CAMK1D: variants seen among roughly 807,000 people sequenced by gnomAD.
The protein encoded by CAMK1D is calcium/calmodulin dependent protein kinase ID.
CAMK1D carries 9 observed loss-of-function variants against 47.7 expected under a neutral mutation model. The ratio of observed to expected loss-of-function variants is 0.19; its 90% CI spans 0.11 to 0.33. The LOEUF is 0.33. CAMK1D is among the 10% of genes least tolerant of loss of function. The pLI is 1.00. For synonymous variants in CAMK1D, 184 were observed against 184.9 expected, an observed-to-expected ratio of 0.99 and a Z score of 0.04; for missense variants, 291 against 488.7, an observed-to-expected ratio of 0.60 and a Z score of 3.81.
intron 1 of CAMK1D, among the ~76,000 whole-genome samples, chr10:12,411,872 G>A (rs1047083597): frequency 2.0e-5 from 3 of 151,640 alleles, no homozygotes; most frequent in Non-Finnish European, 4.4e-5. Flanking sequence ...GGGATTACAG[G>A]CATGAGCCAC....
At chr10:12,666,969 C>T (rs1409009580) in intron 3 of CAMK1D, 159 bp downstream of exon 3, 21 of 626,278 alleles carry the variant, frequency 3.4e-5, no homozygotes, top group Admixed American at 3.2e-4. Context: ...CAACTAAAGA[C>T]GGTGGGCTGC....
chr10:12,540,514 T>C lies in CAMK1D; in HGVS notation c.93-12711T>C, dbSNP rs556637982. 2.6e-5 allele frequency among the ~76,000 whole-genome samples: 4 copies of C among 152,294 alleles called. No homozygotes were observed. In the South Asian group the frequency reaches 8.3e-4, roughly 32 times the overall value. On this transcript the variant is annotated intron_variant, in intron 1 of 10. Coordinates refer to ENST00000619168, the MANE Select transcript of CAMK1D (RefSeq NM_153498.4). ...AGTGAGGCTGTTAACAGTAAAGACT[T>C]AGTGCCGCAGAAACACCTGCAGAAA... is the stretch of plus-strand genomic sequence containing the variant.
chr10:12,638,121 C>T (rs1839562961), intron 2 of CAMK1D, among the ~76,000 whole-genome samples: 1 of 152,106 alleles, frequency 6.6e-6, no homozygotes, highest in South Asian at 2.1e-4. Context: ...AGCCCTCTCT[C>T]CACCCCAGTA....
intron 1 of CAMK1D, among the ~76,000 whole-genome samples, chr10:12,355,095 G>A (rs979515526): frequency 6.6e-6 from 1 of 151,928 alleles, no homozygotes; most frequent in Non-Finnish European, 1.5e-5. Context: ...CTCCTACTTT[G>A]GGCTCCCAAA....
At chr10:12,662,650 T>TAAAAAAAAAAAAAAA (rs1840307250) in intron 2 of CAMK1D, among the ~76,000 whole-genome samples, 1 of 48,310 alleles carries the variant, frequency 2.1e-5, no homozygotes, top group African/African-American at 4.5e-5. Context: ...ACACTCTGCC[T>TAAAAAAAAAAAAAAA]CAAAAAAAAA....
intron 1 of CAMK1D, among the ~76,000 whole-genome samples, chr10:12,373,800 T>A (rs1838081414): frequency 6.6e-6 from 1 of 151,394 alleles, no homozygotes; most frequent in African/African-American, 2.4e-5. Context: ...GCAGTCCAGA[T>A]GCGGTGGCTC....
At chr10:12,742,445 T>C (rs949860210) in intron 3 of CAMK1D, among the ~76,000 whole-genome samples, 8 of 152,332 alleles carry the variant, frequency 5.3e-5, no homozygotes, top group African/African-American at 1.9e-4. Flanking sequence ...GAAGCGTAAT[T>C]TATGTACCAT....
chr10:12,828,020 G>A (rs1462495248), intron 10 of CAMK1D, among the ~76,000 whole-genome samples: 3 of 152,164 alleles, frequency 2.0e-5, no homozygotes, highest in African/African-American at 4.8e-5. Context: ...CTAGCCAAGA[G>A]TGTACACAAC....
intron 1 of CAMK1D, among the ~76,000 whole-genome samples, chr10:12,450,454 C>A (rs114526928): frequency 6.6e-6 from 1 of 152,030 alleles, no homozygotes; most frequent in African/African-American, 2.4e-5. Flanking sequence ...AAAGAAGGAT[C>A]GAAGCTTTAG....
chr10:12,695,454 C>G (rs1451204880), intron 3 of CAMK1D, among the ~76,000 whole-genome samples: 1 of 152,226 alleles, frequency 6.6e-6, no homozygotes, highest in East Asian at 1.9e-4. Context: ...CTACCTACTC[C>G]CAGCTCAGCT....
At chr10:12,518,819 A>T (rs1835292051) in intron 1 of CAMK1D, among the ~76,000 whole-genome samples, 1 of 114,488 alleles carries the variant, frequency 8.7e-6, no homozygotes, top group Non-Finnish European at 1.9e-5. Flanking sequence ...GTCACAGATC[A>T]ACAGGATCCC....
intron 1 of CAMK1D, among the ~76,000 whole-genome samples, chr10:12,393,955 A>G (rs1838843105): frequency 6.6e-6 from 1 of 152,218 alleles, no homozygotes; most frequent in Admixed American, 6.5e-5. Context: ...GACTATGTGC[A>G]GGTATTGCAG....
rs61677282 is a variant in CAMK1D at position 12,808,482 on chromosome 10, G to A, written c.642-5713G>A. Among the ~76,000 whole-genome samples the A allele has an allele frequency of 6.2e-3, 950 of 152,296 alleles. 17 individuals are homozygous for A. Among genetic ancestry groups the A allele is most frequent in the African/African-American group, 0.022 (903 of 41,568 alleles). On this transcript the variant is annotated intron_variant, in intron 6 of 10. Transcript: ENST00000619168. ...GGCACCAAGTGACTATGTGTATGTC[G>A]GCTGATTAAAAATGAAGACAGCGGC...
chr10:12,665,035 T>C (rs2132547676), intron 2 of CAMK1D, among the ~76,000 whole-genome samples: 1 of 152,338 alleles, frequency 6.6e-6, no homozygotes, highest in South Asian at 2.1e-4. Flanking sequence ...ATTTGTAGGA[T>C]CTTGGTAGTC....
chr10:12,376,162 C>CAAAAAAAA (rs59804213), intron 1 of CAMK1D, among the ~76,000 whole-genome samples: 63 of 59,946 alleles, frequency 1.1e-3, no homozygotes, highest in Non-Finnish European at 1.3e-3. Context: ...GACTCTGTCC[C>CAAAAAAAA]AAAAAAAAAA....
At chr10:12,352,113 C>T (rs1192952507) in intron 1 of CAMK1D, among the ~76,000 whole-genome samples, 1 of 152,140 alleles carries the variant, frequency 6.6e-6, no homozygotes, top group Non-Finnish European at 1.5e-5. Context: ...GATGAGAAAA[C>T]TAAGGCAGCA....
Position 12,462,981 on chromosome 10 carries a change from A to G in CAMK1D, c.93-90244A>G, listed in dbSNP as rs1204566179. Among the ~76,000 whole-genome samples the G allele has an allele frequency of 3.9e-5, 6 of 152,228 alleles. 1 individual carries two copies. The South Asian group carries it at 1.2e-3, about 32-fold the overall frequency. On this transcript the variant is annotated intron_variant, in intron 1 of 10. Coordinates refer to ENST00000619168, the MANE Select transcript of CAMK1D (RefSeq NM_153498.4). ...ACAGAGAGCACTCTATCTGGGCTGG[A>G]AGAAAAAATGAGCATATGCCAGAGA...
At chr10:12,690,927 G>A (rs146716063) in intron 3 of CAMK1D, among the ~76,000 whole-genome samples, 98 of 152,258 alleles carry the variant, frequency 6.4e-4, no homozygotes, top group African/African-American at 2.2e-3. Flanking sequence ...CCCTCACCCT[G>A]TTATGGCCAC....
chr10:12,570,965 T>A (rs1402989313), intron 2 of CAMK1D, among the ~76,000 whole-genome samples: 1 of 151,430 alleles, frequency 6.6e-6, no homozygotes, highest in African/African-American at 2.4e-5. Flanking sequence ...AAAAAAAAGA[T>A]CCATGAGGAC....
Sources: allele counts gnomAD v4.1 joint callset (sites outside exome capture counted in the v4.1 genomes callset), GRCh38; gene constraint gnomAD v4.1.1; transcripts MANE v1.5; gene names NCBI Gene and HGNC (gene_info 2026-07-23, HGNC 2026-07-21).